The following BOP1 variants were observed in gnomAD, a reference collection of about 807,000 sequenced individuals.
BOP1 encodes BOP1 ribosomal biogenesis factor, also known as ribosome biogenesis protein BOP1.
In BOP1, 54 loss-of-function variants were observed where a neutral mutation model predicts 82.9. The ratio of observed to expected loss-of-function variants is 0.65; its 90% confidence interval spans 0.52 to 0.82. The LOEUF is 0.82. Ranked by LOEUF, BOP1 falls within the 40% of genes least tolerant of loss-of-function variation. The pLI is 0.00. For missense variants in BOP1, 1,170 were observed against 1,072.0 expected (o/e 1.09, Z -1.28); for synonymous variants, 566 against 451.1 (o/e 1.25, Z -3.23).
In BOP1 at chr8:144,289,315, A is replaced by G; in HGVS notation, c.100-11T>C. The G allele has an allele frequency of 6.2e-7, 1 of 1,612,614 alleles. No homozygotes were observed. The highest frequency in any genetic ancestry group is 8.5e-7 in the Non-Finnish European group (1 of 1,179,478). On this transcript the variant is annotated splice_polypyrimidine_tract_variant and intron_variant, in intron 1 of 15. Coordinates refer to ENST00000569669, the MANE Select transcript of BOP1 (RefSeq NM_015201.5). ...GCAGAGGAGGGGGGGCTGCAAGGAA[A>G]CACTGGGTTGGTGACAACTGCCCCT... is the stretch of plus-strand genomic sequence containing the variant.
At chr8:144,262,338 C>T in intron 15 of BOP1, 21 bp from the exon 16 acceptor site, 1 of 1,612,718 alleles carries the variant, frequency 6.2e-7, no homozygotes, top group South Asian at 1.1e-5. Flanking sequence ...GAGGAGGGCT[C>T]AGGGCACGGC....
intron 2 of BOP1, among the ~76,000 whole-genome samples, chr8:144,288,086 T>A (rs1203136672): frequency 6.7e-6 from 1 of 149,188 alleles, no homozygotes; most frequent in East Asian, 2.0e-4. Context: ...GCCAACATGG[T>A]GAAACCCCGT....
At chr8:144,288,606 G>C (rs1048844327) in intron 2 of BOP1, among the ~76,000 whole-genome samples, 5 of 152,170 alleles carry the variant, frequency 3.3e-5, no homozygotes, top group Admixed American at 2.0e-4. Context: ...TTCTCAATAA[G>C]AGTAGGGTGC....
chr8:144,284,499 G>A (rs1257649214), intron 2 of BOP1, among the ~76,000 whole-genome samples: 2 of 152,138 alleles, frequency 1.3e-5, no homozygotes, highest in Non-Finnish European at 2.9e-5. Flanking sequence ...CCAGAGCCAT[G>A]GCCTCCCTGA....
In BOP1 at chr8:144,263,096, C is replaced by A; in HGVS notation, c.1651G>T (p.Val551Leu). The change falls in exon 13 of 16, where the codon GTG becomes TTG. Residue 551 changes from valine to leucine, a missense_variant. Transcript: ENST00000569669. ...TWHGRGDYLA[V>L]VLATQGHTQV... Reference sequence around the variant, plus strand: ...GTGTGGCCTTGGGTGGCCAGCACCACGGCCAGGTAGTCCCCACGCCCGTGC... The same window carrying A: ...GTGTGGCCTTGGGTGGCCAGCACCAAGGCCAGGTAGTCCCCACGCCCGTGC... 6.3e-7 allele frequency: 1 copy of A among 1,592,326 alleles called. No individual in the cohort carries two copies.
At chr8:144,278,963 G>GT (rs1373600661) in intron 2 of BOP1, among the ~76,000 whole-genome samples, 1 of 152,240 alleles carries the variant, frequency 6.6e-6, no homozygotes, top group Non-Finnish European at 1.5e-5. Context: ...GAAAAGGAAG[G>GT]TAACTCGGGG....
intron 3 of BOP1, among the ~76,000 whole-genome samples, chr8:144,266,277 G>A (rs1289327517): frequency 3.3e-5 from 5 of 152,108 alleles, no homozygotes; most frequent in Non-Finnish European, 5.9e-5. Flanking sequence ...CCCCAGAGAC[G>A]GAACGATGCC....
chr8:144,263,987 C>A lies in BOP1; in HGVS notation c.1134G>T (p.Lys378Asn). 1 of 1,609,956 alleles carries A rather than the reference C, an allele frequency of 6.2e-7. No individual in the cohort carries two copies. The highest frequency in any genetic ancestry group is 8.5e-7 in the Non-Finnish European group (1 of 1,179,760). The change falls in exon 8 of 16, where the codon AAG becomes AAT. Residue 378 changes from lysine (K) to asparagine (N), a missense_variant. Lys to Asn is a moderately conservative substitution (Grantham distance 94). Coordinates refer to ENST00000569669, the MANE Select transcript of BOP1 (RefSeq NM_015201.5). ...LDLYLCPRQRKMRVNVDPEDL... is the reference protein window; with the variant it reads ...LDLYLCPRQRNMRVNVDPEDL... ...GTGTGCCACCCCCACACACCCTCAT[C>A]TTGCGCTGCCGTGGGCACAGGTACA... is the stretch of plus-strand genomic sequence containing the variant.
At position 144,277,173 on chromosome 8, in the gene BOP1, C is replaced by T. The variant is rs1256874036; in HGVS notation, c.310-869G>A. On this transcript the variant is annotated intron_variant, in intron 2 of 15. Coordinates refer to ENST00000569669, the MANE Select transcript of BOP1 (RefSeq NM_015201.5). ...GGCGGGCACGCCCCCGCCCCCACCCCGAGCCCCTCTTCTCTCCGGCCCGGG... is the reference window on the plus strand; with the variant it reads ...GGCGGGCACGCCCCCGCCCCCACCCTGAGCCCCTCTTCTCTCCGGCCCGGG... 9.9e-5 allele frequency among the ~76,000 whole-genome samples: 15 copies of T among 152,164 alleles called. No homozygotes were observed. In the South Asian group the frequency reaches 2.1e-3, roughly 21 times the overall value.
chr8:144,264,565 G>A lies in BOP1; in HGVS notation c.715C>T (p.Arg239Cys), dbSNP rs1048967179. The A allele has an allele frequency of 1.0e-3, 1,643 of 1,609,678 alleles. 9 individuals carry two copies. In the African/African-American group the frequency reaches 0.017, roughly 17 times the overall value. ...GDVMIHPVTNRPADKRSFIPS... is the reference protein window; with the variant it reads ...GDVMIHPVTNCPADKRSFIPS... ...ATGAAGCTGCGCTTGTCGGCCGGGC[G>A]GTTGGTCACCGGGTGGATCATGACG... Residue 239 changes from arginine (R) to cysteine (C), a missense_variant, in exon 6 of 16, where the codon CGC becomes TGC. Coordinates refer to ENST00000569669, the MANE Select transcript of BOP1 (RefSeq NM_015201.5).
intron 3 of BOP1, among the ~76,000 whole-genome samples, chr8:144,271,655 C>T (rs1588596050): frequency 6.6e-6 from 1 of 152,116 alleles, no homozygotes; most frequent in East Asian, 1.9e-4. Context: ...CTGAAGGTTC[C>T]AGCAGGGGTG....
At chr8:144,284,539 C>G (rs1232655036) in intron 2 of BOP1, among the ~76,000 whole-genome samples, 1 of 152,142 alleles carries the variant, frequency 6.6e-6, no homozygotes, top group African/African-American at 2.4e-5. Flanking sequence ...CGCACGGCTG[C>G]CCCTTCTCTT....
At chr8:144,275,824 G>A (rs1023646510) in intron 3 of BOP1, among the ~76,000 whole-genome samples, 3 of 151,752 alleles carry the variant, frequency 2.0e-5, no homozygotes, top group Non-Finnish European at 2.9e-5. Flanking sequence ...CAGCACACAC[G>A]ACAGGGGCAC....
intron 3 of BOP1, chr8:144,268,276 T>C: frequency 7.4e-7 from 1 of 1,345,104 alleles, no homozygotes; most frequent in Non-Finnish European, 1.0e-6. Context: ...CAGCCCTGGC[T>C]GCGAGCGGGG....
intron 2 of BOP1, among the ~76,000 whole-genome samples, chr8:144,282,599 G>C (rs6599533): frequency 0.67 from 101,876 of 151,874 alleles, 34,323 homozygotes; most frequent in South Asian, 0.69. Flanking sequence ...TGGCCCCAAG[G>C]AGGCTACTAG....
Position 144,263,593 on chromosome 8 carries a change from G to T in BOP1, c.1309C>A (p.Leu437Met). 1 of 1,606,064 alleles carries T rather than the reference G, an allele frequency of 6.2e-7. No homozygotes were observed. Residue 437 changes from leucine to methionine, a missense_variant, in exon 11 of 16, where the codon CTG (leucine) becomes ATG (methionine). Coordinates refer to ENST00000569669, the MANE Select transcript of BOP1 (RefSeq NM_015201.5). ...GCAGTGGCCACCTCCCAGAGCCGCA[G>T]GGAGCCGTCGTCAGAGCCTGGATGC... is the stretch of plus-strand genomic sequence containing the variant. ...WLVSGSDDGS[L>M]RLWEVATARC...
Position 144,263,812 on chromosome 8 carries a change from C to G in BOP1, c.1221+19G>C. ...TCAGACTGGGAGGGTGCAACCCCAG[C>G]CCCCTAGTCTCCACTTACCAGGGCC... On this transcript the variant is annotated intron_variant, in intron 9 of 15. Transcript: ENST00000569669. 6.2e-7 allele frequency: 1 copy of G among 1,609,724 alleles called. No individual in the cohort carries two copies. Among genetic ancestry groups the G allele is most frequent in the Non-Finnish European group, 8.5e-7 (1 of 1,179,200 alleles).
chr8:144,286,485 G>A lies in BOP1; in HGVS notation c.309+2610C>T, dbSNP rs1456865977. 1.9e-4 allele frequency among the ~76,000 whole-genome samples: 19 copies of A among 100,944 alleles called. 2 individuals carry two copies. Among genetic ancestry groups the A allele is most frequent in the African/African-American group, 4.8e-4 (12 of 25,062 alleles). 66.2% of individuals were successfully genotyped at this position (100,944 alleles called of 152,430 possible). A position where few individuals can be genotyped will look rare whatever the true frequency, so the allele number is the denominator to read the frequency against. ...GGGCGCCACGGCAGGGCAGGGCCTC[G>A]GCCCCTCAGCTAAAGCACAGGACAC... On this transcript the variant is annotated intron_variant, in intron 2 of 15. Transcript: ENST00000569669.
Position 144,270,644 on chromosome 8 carries a change from A to G in BOP1, c.391-5573T>C, listed in dbSNP as rs1042253407. On this transcript the variant is annotated intron_variant, in intron 3 of 15. Coordinates refer to ENST00000569669, the MANE Select transcript of BOP1 (RefSeq NM_015201.5). ...CCACTGCTCCAGAAATTCAAACCAGACCGGGGGTGGCGTGGGCTGACCCCC... is the reference window on the plus strand; with the variant it reads ...CCACTGCTCCAGAAATTCAAACCAGGCCGGGGGTGGCGTGGGCTGACCCCC... 2.2e-4 allele frequency among the ~76,000 whole-genome samples: 34 copies of G among 152,072 alleles called. 2 individuals carry two copies. The highest frequency in any genetic ancestry group is 8.2e-4 in the African/African-American group (34 of 41,470).
Sources: gnomAD v4.1 joint callset for allele counts (sites outside exome capture counted in the v4.1 genomes callset) on GRCh38, gnomAD v4.1.1 for gene constraint, MANE v1.5 for transcripts, NCBI Gene and HGNC (gene_info 2026-07-23, HGNC 2026-07-21) for gene names.